Variants in NCKAP5 observed in about 807,000 individuals in gnomAD.
NCKAP5 encodes the protein nck-associated protein 5.
A neutral mutation model predicts 167.0 loss-of-function variants in NCKAP5; 92 were observed. The observed-to-expected ratio is 0.55, with a 90% CI of 0.47 to 0.66. The LOEUF (loss-of-function observed/expected upper bound fraction) is 0.66, where lower values mean the gene tolerates loss of function less well. Among genes scored for constraint, NCKAP5 ranks in the 30% least tolerant of loss-of-function variants. The pLI is 0.00. For missense variants in NCKAP5, 2,378 were observed against 2,315.0 expected, an observed-to-expected ratio of 1.03 and a Z score of -0.56; for synonymous variants, 891 against 877.4, an observed-to-expected ratio of 1.02 and a Z score of -0.27.
chr2:132,744,007 G>A (rs187101352), intron 16 of NCKAP5, among the ~76,000 whole-genome samples: 1 of 151,756 alleles, frequency 6.6e-6, no homozygotes, highest in Admixed American at 6.6e-5. Flanking sequence ...TCCTAAATAT[G>A]TATATCTATA....
chr2:132,784,350 C>T lies in NCKAP5; in HGVS notation c.2461G>A (p.Ala821Thr), dbSNP rs780176805. 2 of 1,613,976 alleles carry T rather than the reference C, an allele frequency of 1.2e-6. No individual in the cohort carries two copies. Among genetic ancestry groups the T allele is most frequent in the East Asian group, 2.2e-5 (1 of 44,872 alleles). ...PQKSKLMEPE[A>T]TTLLPSSGLV... is the part of the protein sequence containing the mutation. ...CCAGATGAAGGGAGTAGTGTGGTGG[C>T]TTCGGGCTCCATTAGTTTTGATTTC... The change falls in exon 14 of 20, where the codon GCC (alanine) becomes ACC (threonine). Residue 821 changes from alanine to threonine, a missense_variant. By Grantham distance (58) the Ala-to-Thr change is moderately conservative. Transcript: ENST00000409261.
chr2:133,026,611 A>G (rs16845737), intron 6 of NCKAP5, among the ~76,000 whole-genome samples: 15,937 of 152,224 alleles, frequency 0.1, 1,118 homozygotes, highest in East Asian at 0.32. Flanking sequence ...AACTGGCTTT[A>G]TTAGATTTCC....
chr2:133,405,482 A>C (rs969853841), intron 3 of NCKAP5, among the ~76,000 whole-genome samples: 2 of 152,194 alleles, frequency 1.3e-5, no homozygotes, highest in African/African-American at 4.8e-5. Flanking sequence ...CAAAAAGGAC[A>C]CTTGTGTATA....
chr2:133,216,629 A>G (rs79283542), intron 4 of NCKAP5, among the ~76,000 whole-genome samples: 2,841 of 152,268 alleles, frequency 0.019, 84 homozygotes, highest in African/African-American at 0.064. Flanking sequence ...AAATTAATTT[A>G]CTATTTAGTG....
At chr2:133,604,254 G>A in the NCKAP5 span, among the ~76,000 whole-genome samples, 1 of 152,076 alleles carries the variant, frequency 6.6e-6, no homozygotes, top group African/African-American at 2.4e-5. Flanking sequence ...CGCCCAGGCT[G>A]GTGTACAGTG....
chr2:133,115,775 G>GTGTGTATATA (rs1296649163), intron 6 of NCKAP5, among the ~76,000 whole-genome samples: 2 of 94,272 alleles, frequency 2.1e-5, no homozygotes, highest in Non-Finnish European at 2.2e-5. Context: ...ATGTGTGTGT[G>GTGTGTATATA]TATATATATA....
At chr2:132,742,720 C>T (rs1419438751) in intron 16 of NCKAP5, among the ~76,000 whole-genome samples, 1 of 151,918 alleles carries the variant, frequency 6.6e-6, no homozygotes, top group East Asian at 1.9e-4. Flanking sequence ...CTCAAGACTT[C>T]ACAACCTTAA....
chr2:133,570,583 G>A (rs1218341758), upstream of NCKAP5, among the ~76,000 whole-genome samples: 1 of 152,178 alleles, frequency 6.6e-6, no homozygotes, highest in African/African-American at 2.4e-5. Flanking sequence ...AGACCTCTTA[G>A]ACTCTGTCCA....
At chr2:133,308,122 T>G (rs1680925314) in intron 3 of NCKAP5, among the ~76,000 whole-genome samples, 1 of 136,212 alleles carries the variant, frequency 7.3e-6, no homozygotes, top group African/African-American at 2.7e-5. Flanking sequence ...GGAGTCTCGC[T>G]CTGTCGCCCA....
At chr2:133,445,978 T>TG (rs1691166677) in intron 3 of NCKAP5, among the ~76,000 whole-genome samples, 1 of 152,120 alleles carries the variant, frequency 6.6e-6, no homozygotes, top group African/African-American at 2.4e-5. Context: ...TGTGGCAGCG[T>TG]GGTGGTGGTT....
rs1687931242 is a variant in NCKAP5, at chr2:133,558,704, C to CAAAAAAAAAAAAGA, written c.-62+345_-62+346insTCTTTTTTTTTTTT. Among the ~76,000 whole-genome samples, 3 of 50,872 alleles carry CAAAAAAAAAAAAGA rather than the reference C, an allele frequency of 5.9e-5. No homozygotes were observed. In the East Asian group the frequency reaches 2.2e-3, roughly 37 times the overall value. The allele number at this position is 50,872 out of a possible 152,430, so 33.4% of individuals were successfully genotyped here. A position where few individuals can be genotyped will look rare whatever the true frequency, so the allele number is the denominator to read the frequency against. On this transcript the variant is annotated intron_variant, in intron 2 of 19. Coordinates refer to ENST00000409261, the MANE Select transcript of NCKAP5 (RefSeq NM_207363.3). ...ACATAAACAGATGCAATGTGCTGAGCAAAAAAAAAAAAAAAAAAAAAAGCC... is the reference window on the plus strand; with the variant it reads ...ACATAAACAGATGCAATGTGCTGAGCAAAAAAAAAAAAGAAAAAAAAAAAAAAAAAAAAAAAGCC...
intron 5 of NCKAP5, among the ~76,000 whole-genome samples, chr2:133,191,671 G>C (rs1449544288): frequency 1.3e-5 from 2 of 152,118 alleles, no homozygotes; most frequent in Middle Eastern, 3.2e-3. Flanking sequence ...TGCAAGGACA[G>C]AAAACCATAC....
intron 8 of NCKAP5, among the ~76,000 whole-genome samples, chr2:132,913,655 A>G (rs1694631812): frequency 6.6e-6 from 1 of 152,126 alleles, no homozygotes; most frequent in South Asian, 2.1e-4. Context: ...AAGAGTATTG[A>G]CTGGGTTCTG....
chr2:133,285,688 T>A (rs1174112646), intron 4 of NCKAP5, among the ~76,000 whole-genome samples: 3 of 152,184 alleles, frequency 2.0e-5, no homozygotes, highest in African/African-American at 4.8e-5. Context: ...ACTCGAAGAA[T>A]CTTAACGTAT....
the NCKAP5 span, among the ~76,000 whole-genome samples, chr2:133,595,019 T>C: frequency 5.3e-5 from 8 of 152,150 alleles, no homozygotes; most frequent in Non-Finnish European, 1.0e-4. Flanking sequence ...TATAATGGAA[T>C]TCAAGATGTG....
At chr2:133,532,377 G>T (rs910714455) in intron 2 of NCKAP5, among the ~76,000 whole-genome samples, 1 of 152,188 alleles carries the variant, frequency 6.6e-6, no homozygotes, top group African/African-American at 2.4e-5. Flanking sequence ...TGGGTCACAG[G>T]TTGTGCACAT....
At chr2:133,533,065 G>C (rs1395953708) in intron 2 of NCKAP5, among the ~76,000 whole-genome samples, 3 of 152,124 alleles carry the variant, frequency 2.0e-5, no homozygotes, top group East Asian at 3.9e-4. Flanking sequence ...TATTTCACTA[G>C]GGGCACACTC....
chr2:133,020,366 C>G (rs1459192626), intron 6 of NCKAP5, among the ~76,000 whole-genome samples: 2 of 152,154 alleles, frequency 1.3e-5, no homozygotes, highest in Non-Finnish European at 2.9e-5. Flanking sequence ...CAAGGCACCA[C>G]CACTTAGTCC....
chr2:133,582,620 A>C, the NCKAP5 span, among the ~76,000 whole-genome samples: 1 of 152,236 alleles, frequency 6.6e-6, no homozygotes, highest in Admixed American at 6.5e-5. Context: ...TCAACTCATC[A>C]TGAATTCTAA....
Sources: allele counts gnomAD v4.1 joint callset (sites outside exome capture counted in the v4.1 genomes callset), GRCh38; gene constraint gnomAD v4.1.1; transcripts MANE v1.5; gene names NCBI Gene and HGNC (gene_info 2026-07-23, HGNC 2026-07-21).